Variants in TES observed in about 807,000 individuals in gnomAD.
The protein encoded by TES is testin.
In TES, 41 loss-of-function variants were observed where a neutral mutation model predicts 48.2. The ratio of observed to expected loss-of-function variants is 0.85; its 90% confidence interval spans 0.66 to 1.10. The LOEUF (loss-of-function observed/expected upper bound fraction) is 1.10. Among genes scored for constraint, TES ranks in the 50% least tolerant of loss-of-function variants. The pLI is 0.00. For missense variants in TES, 463 were observed against 515.1 expected (o/e 0.90, Z 0.98); for synonymous variants, 162 against 174.9 (o/e 0.93, Z 0.58).
At chr7:116,233,181 T>C (rs1183359855) in intron 1 of TES, among the ~76,000 whole-genome samples, 1 of 152,232 alleles carries the variant, frequency 6.6e-6, no homozygotes, top group East Asian at 1.9e-4. Context: ...TGGTCACTGA[T>C]GTGATATTTA....
chr7:116,235,206 C>T (rs1467099310), intron 2 of TES, among the ~76,000 whole-genome samples: 2 of 152,214 alleles, frequency 1.3e-5, no homozygotes, highest in Non-Finnish European at 2.9e-5. Context: ...CCACCTCAAC[C>T]TCCCAAAGTG....
chr7:116,229,033 T>TATATATATATATATATATATATA (rs1417517023), intron 1 of TES, among the ~76,000 whole-genome samples: 14 of 115,472 alleles, frequency 1.2e-4, no homozygotes, highest in African/African-American at 2.7e-4. Flanking sequence ...TATATATATA[T>TATATATATATATATATATATATA]AATCATTTCC....
At chr7:116,224,998 C>T (rs1799604791) in intron 1 of TES, among the ~76,000 whole-genome samples, 1 of 151,926 alleles carries the variant, frequency 6.6e-6, no homozygotes, top group Admixed American at 6.6e-5. Flanking sequence ...GTCTCAATTT[C>T]CTTTTTATGA....
intron 2 of TES, among the ~76,000 whole-genome samples, chr7:116,247,480 A>T (rs528118579): frequency 1.7e-4 from 26 of 152,004 alleles, no homozygotes; most frequent in African/African-American, 6.3e-4. Context: ...ACACTCAGAC[A>T]TGTCCCTTTA....
intron 1 of TES, among the ~76,000 whole-genome samples, chr7:116,230,060 G>A (rs1799677881): frequency 6.6e-6 from 1 of 152,168 alleles, no homozygotes; most frequent in Non-Finnish European, 1.5e-5. Flanking sequence ...AGGAAAACAA[G>A]TTTATTGCCA....
chr7:116,254,952 G>A (rs1042135853), intron 6 of TES, among the ~76,000 whole-genome samples: 2 of 151,650 alleles, frequency 1.3e-5, no homozygotes, highest in African/African-American at 2.4e-5. Context: ...AAAATTTGGA[G>A]AAGGTTATCT....
At position 116,224,696 on chromosome 7, in the gene TES, T is replaced by C. The variant is rs146410097; in HGVS notation, c.28-9838T>C. ...GACTTCCATGTTAGTGTAGCTGATG[T>C]GCAGACATTCAGCTTCCTCATAATA... On this transcript the variant is annotated intron_variant, in intron 1 of 6. Transcript: ENST00000358204. 8.6e-3 allele frequency among the ~76,000 whole-genome samples: 1,313 copies of C among 152,324 alleles called. 10 individuals carry two copies. The highest frequency in any genetic ancestry group is 0.013 in the Non-Finnish European group (880 of 68,020).
At chr7:116,234,166 A>T (rs1799735795) in intron 1 of TES, among the ~76,000 whole-genome samples, 1 of 152,150 alleles carries the variant, frequency 6.6e-6, no homozygotes, top group African/African-American at 2.4e-5. Flanking sequence ...ATTCAGGATG[A>T]GACTTGCTTT....
At chr7:116,250,529 TG>T (rs1180478946) in intron 4 of TES, 33 bp downstream of exon 4, 1 of 1,417,702 alleles carries the variant, frequency 7.1e-7, no homozygotes, top group Admixed American at 2.8e-5. Context: ...TAGCCTGATT[TG>T]TATACTTTAC....
At position 116,210,737 on chromosome 7, in the gene TES, A is replaced by C. The variant is rs746159272; in HGVS notation, c.27+3A>C. 7.2e-5 allele frequency: 90 copies of C among 1,244,342 alleles called. No individual in the cohort carries two copies. The Admixed American group carries it at 3.2e-3, about 45-fold the overall frequency. The allele number at this position is 1,244,342 out of a possible 1,614,324, so 77.1% of individuals were successfully genotyped here. A position where few individuals can be genotyped will look rare whatever the true frequency, so the allele number is the denominator to read the frequency against. The stretch of plus-strand genomic sequence containing the variant: ...ACCTGGAAAACAAAGTGAAGAAGGT[A>C]GGGGGGCGCTCGTGGCGGGCGGCGG... On this transcript the variant is annotated splice_donor_region_variant and intron_variant, in intron 1 of 6. Coordinates refer to ENST00000358204, the MANE Select transcript of TES (RefSeq NM_015641.4).
Position 116,252,075 on chromosome 7 carries a change from C to G in TES, c.918+100C>G. ...AAGACTTGACCAAACAGCAGTTGCT[C>G]TGTTTACATCCAAAGAAGTTTTAAA... On this transcript the variant is annotated intron_variant, in intron 5 of 6. Transcript: ENST00000358204. 3 of 1,228,474 alleles carry G rather than the reference C, an allele frequency of 2.4e-6. No homozygotes were observed. The South Asian group carries it at 4.0e-5, about 16-fold the overall frequency. The allele number at this position is 1,228,474 out of a possible 1,614,324, so 76.1% of individuals were successfully genotyped here. A position where few individuals can be genotyped will look rare whatever the true frequency, so the allele number is the denominator to read the frequency against.
intron 1 of TES, among the ~76,000 whole-genome samples, chr7:116,223,991 A>G (rs1799589418): frequency 6.6e-6 from 1 of 152,216 alleles, no homozygotes; most frequent in Non-Finnish European, 1.5e-5. Context: ...ATCAGTTGCC[A>G]AAAAATGAAA....
intron 1 of TES, among the ~76,000 whole-genome samples, chr7:116,227,998 T>C (rs1799644934): frequency 7.4e-6 from 1 of 134,446 alleles, no homozygotes; most frequent in South Asian, 2.5e-4. Flanking sequence ...TGTTCCATAG[T>C]CTTTTTTTTG....
intron 1 of TES, among the ~76,000 whole-genome samples, chr7:116,219,834 A>G (rs537944491): frequency 3.9e-5 from 6 of 152,324 alleles, no homozygotes; most frequent in Non-Finnish European, 5.9e-5. Flanking sequence ...GATATTCTGT[A>G]TGGTATCAGA....
At chr7:116,216,617 G>A (rs1234523807) in intron 1 of TES, among the ~76,000 whole-genome samples, 1 of 151,700 alleles carries the variant, frequency 6.6e-6, no homozygotes, top group African/African-American at 2.4e-5. Flanking sequence ...TATACATAAA[G>A]GAGATGGCAT....
Position 116,250,159 on chromosome 7 carries a change from A to C in TES, c.367-2A>C. The C allele has an allele frequency of 6.6e-7, 1 of 1,514,250 alleles. No individual in the cohort carries two copies. Among genetic ancestry groups the C allele is most frequent in the Non-Finnish European group, 8.8e-7 (1 of 1,134,030 alleles). 93.8% of individuals were successfully genotyped at this position (1,514,250 alleles called of 1,614,324 possible). A position where few individuals can be genotyped will look rare whatever the true frequency, so the allele number is the denominator to read the frequency against. The stretch of plus-strand genomic sequence containing the variant: ...GTTAACATTGGCCTCCTTGTGGTTC[A>C]GGCCAGGCAGTACATGCAGATGCTA... On this transcript the variant is annotated splice_acceptor_variant, in intron 3 of 6. Transcript: ENST00000358204. LOFTEE classifies it high-confidence loss of function.
At chr7:116,252,503 G>A (rs762225606) in intron 6 of TES, 27 bp downstream of exon 6, 1 of 1,614,164 alleles carries the variant, frequency 6.2e-7, no homozygotes, top group South Asian at 1.1e-5. Context: ...GGATATGGTT[G>A]CCTCAGCCTG....
Position 116,234,589 on chromosome 7 carries a change from A to C in TES, c.83A>C (p.Lys28Thr), listed in dbSNP as rs376863433. Residue 28 changes from lysine to threonine, a missense_variant, in exon 2 of 7, where the codon AAA (lysine) becomes ACA (threonine). Transcript: ENST00000358204. ...GCCCCTTGTTTAAAATGCAAAGAAA[A>C]ATGTGAAGGATTCGAACTGCACTTC... Reference protein sequence around the residue: ...FGAPCLKCKEKCEGFELHFWR... With the variant: ...FGAPCLKCKETCEGFELHFWR... 16 of 1,613,816 alleles carry C rather than the reference A, an allele frequency of 9.9e-6. No homozygotes were observed. Among genetic ancestry groups the C allele is most frequent in the Non-Finnish European group, 1.4e-5 (16 of 1,179,868 alleles).
chr7:116,250,338 T>A lies in TES; in HGVS notation c.544T>A (p.Tyr182Asn). 6.2e-7 allele frequency: 1 copy of A among 1,613,778 alleles called. No individual in the cohort carries two copies. Among genetic ancestry groups the A allele is most frequent in the Non-Finnish European group, 8.5e-7 (1 of 1,179,858 alleles). ...VKEMEQFVKKYKSEALGVGDV... is the reference protein window; with the variant it reads ...VKEMEQFVKKNKSEALGVGDV... The stretch of plus-strand genomic sequence containing the variant: ...GGAGATGGAGCAGTTTGTGAAGAAA[T>A]ATAAGAGCGAAGCTCTGGGAGTAGG... The change falls in exon 4 of 7, where the codon TAT becomes AAT. Residue 182 changes from tyrosine (Y) to asparagine (N), a missense_variant. Physicochemically the swap from Tyr to Asn is moderately radical, Grantham distance 143. Transcript: ENST00000358204.
Sources: gnomAD v4.1 joint callset for allele counts (sites outside exome capture counted in the v4.1 genomes callset) on GRCh38, gnomAD v4.1.1 for gene constraint, MANE v1.5 for transcripts, NCBI Gene and HGNC (gene_info 2026-07-23, HGNC 2026-07-21) for gene names.